Variants in DNAH9 observed in about 807,000 individuals in gnomAD.
DNAH9 encodes dynein axonemal heavy chain 9, also known as DNAH9 variant protein.
In DNAH9, 345 loss-of-function variants were observed where a neutral mutation model predicts 471.6. The ratio of observed to expected loss-of-function variants is 0.73; its 90% CI spans 0.67 to 0.80. DNAH9 has a LOEUF of 0.80. Among genes scored for constraint, DNAH9 ranks in the 30% least tolerant of loss-of-function variants. The pLI, the probability that DNAH9 is intolerant of heterozygous loss-of-function variation, is 0.00. For synonymous variants in DNAH9, 2,093 were observed against 2,123.6 expected (o/e 0.99, Z 0.40); for missense variants, 5,407 against 5,609.2 (o/e 0.96, Z 1.15).
At chr17:11,793,403 C>A in intron 41 of DNAH9, 100 bp from the exon 42 acceptor site, 1 of 1,076,986 alleles carries the variant, frequency 9.3e-7, no homozygotes, top group Non-Finnish European at 1.4e-6. Flanking sequence ...AAGCCCTAGA[C>A]ATCATCCCAG....
rs185441525 is a variant in DNAH9 at position 11,881,157 on chromosome 17, A to G, written c.10602-52A>G. The stretch of plus-strand genomic sequence containing the variant: ...AAAAAAATCTCAAATTCTGACCCCA[A>G]CCAAATTTTGCAGGAAGGCACCTTA... On this transcript the variant is annotated intron_variant, in intron 54 of 68. Transcript: ENST00000262442. 3.4e-4 allele frequency: 542 copies of G among 1,595,038 alleles called. 3 individuals carry two copies. Among genetic ancestry groups the G allele is most frequent in the Middle Eastern group, 1.5e-3 (9 of 6,002 alleles).
At chr17:11,884,918 A>C (rs905911244) in intron 56 of DNAH9, among the ~76,000 whole-genome samples, 1 of 151,740 alleles carries the variant, frequency 6.6e-6, no homozygotes, top group Non-Finnish European at 1.5e-5. Context: ...CCACCTCTTC[A>C]TCTGTTTTTT....
intron 38 of DNAH9, among the ~76,000 whole-genome samples, chr17:11,775,434 A>G (rs1968379857): frequency 1.3e-5 from 2 of 152,156 alleles, no homozygotes; most frequent in African/African-American, 2.4e-5. Context: ...AACACAAGCT[A>G]TGCTAAAACA....
intron 23 of DNAH9, 152 bp downstream of exon 23, chr17:11,700,035 G>A: frequency 1.4e-6 from 1 of 719,926 alleles, no homozygotes. Context: ...GACTTGAACT[G>A]ATGTTGGAGC....
At chr17:11,627,591 C>T (rs1038628681) in intron 6 of DNAH9, among the ~76,000 whole-genome samples, 2 of 152,126 alleles carry the variant, frequency 1.3e-5, no homozygotes, top group African/African-American at 2.4e-5. Flanking sequence ...AAATTCATTT[C>T]GGTTTTCTTC....
intron 19 of DNAH9, among the ~76,000 whole-genome samples, chr17:11,684,082 C>A (rs1961168765): frequency 6.6e-6 from 1 of 152,070 alleles, no homozygotes; most frequent in African/African-American, 2.4e-5. Flanking sequence ...GTATATTTTT[C>A]TGTGAATTCA....
chr17:11,697,785 T>A (rs962830852), intron 22 of DNAH9, among the ~76,000 whole-genome samples: 1 of 152,068 alleles, frequency 6.6e-6, no homozygotes, highest in Non-Finnish European at 1.5e-5. Flanking sequence ...CCATATTTAA[T>A]TTTTTGTGTC....
At chr17:11,711,659 T>C (rs2150787218) in intron 26 of DNAH9, among the ~76,000 whole-genome samples, 1 of 151,816 alleles carries the variant, frequency 6.6e-6, no homozygotes, top group East Asian at 1.9e-4. Context: ...AATTCAAAAA[T>C]ATAAACCACT....
chr17:11,753,837 G>A (rs144809808), intron 33 of DNAH9, among the ~76,000 whole-genome samples: 111 of 152,292 alleles, frequency 7.3e-4, no homozygotes, highest in Admixed American at 2.7e-3. Context: ...TTTTAGGTTT[G>A]AGGGTACCTG....
At chr17:11,784,272 T>C in intron 40 of DNAH9, 28 bp from the exon 41 acceptor site, 2 of 1,605,466 alleles carry the variant, frequency 1.2e-6, no homozygotes, top group Non-Finnish European at 1.7e-6. Context: ...TAACGGATGT[T>C]GAGCTCATGC....
At chr17:11,717,616 A>G (rs1396483497) in intron 26 of DNAH9, among the ~76,000 whole-genome samples, 1 of 152,156 alleles carries the variant, frequency 6.6e-6, no homozygotes, top group Non-Finnish European at 1.5e-5. Context: ...CAGTGGCACA[A>G]TTGTATCAGC....
rs745878194 is a variant in DNAH9, at chr17:11,680,735, A to G, written c.3589A>G (p.Lys1197Glu). 1 of 1,614,060 alleles carries G rather than the reference A, an allele frequency of 6.2e-7. No individual in the cohort carries two copies. The highest frequency in any genetic ancestry group is 1.3e-5 in the African/African-American group (1 of 75,034). ...VFKQLEELPE[K>E]WNNIKKVAIT... ...GTTTCCTTTGCAGGAGCTGCCTGAG[A>G]AATGGAACAACATAAAAAAGGTGGC... Residue 1197 changes from lysine to glutamate, a missense_variant, in exon 19 of 69, where the codon AAA becomes GAA. Transcript: ENST00000262442.
intron 50 of DNAH9, among the ~76,000 whole-genome samples, chr17:11,866,534 A>G (rs1366120335): frequency 2.0e-5 from 3 of 152,168 alleles, no homozygotes; most frequent in Non-Finnish European, 4.4e-5. Flanking sequence ...TGGGAGAACC[A>G]CTGCTCTCTT....
At chr17:11,723,588 AT>A (rs1567750307) in intron 27 of DNAH9, 1 of 151,980 alleles carries the variant, frequency 6.6e-6, no homozygotes, top group African/African-American at 2.4e-5. Flanking sequence ...CACTTCCTTT[AT>A]TTTATGTTTT....
In DNAH9 at chr17:11,905,281, T is replaced by TG. The variant is rs1489257166; in HGVS notation, c.11601-377dup. 9.1e-4 allele frequency among the ~76,000 whole-genome samples: 138 copies of TG among 151,358 alleles called. 2 individuals carry two copies. Among genetic ancestry groups the TG allele is most frequent in the Admixed American group, 5.9e-3 (90 of 15,188 alleles). On this transcript the variant is annotated intron_variant, in intron 60 of 68. Transcript: ENST00000262442. ...TAGCGTACCGTAGGGCCTTAAATCT[T>TG]GGGCAAGGCTGGTAGATAGCAGGGA... is the stretch of plus-strand genomic sequence containing the variant.
chr17:11,743,575 G>C (rs2075464115), intron 30 of DNAH9, among the ~76,000 whole-genome samples: 4 of 152,160 alleles, frequency 2.6e-5, no homozygotes, highest in Admixed American at 2.0e-4. Flanking sequence ...GCGGCTCACA[G>C]CTCTCTCCCT....
rs114318096 is a variant in DNAH9 at position 11,761,701 on chromosome 17, G to A, written c.6996-1739G>A. ...CACTGGGAGATCAGCAAGTCTCGGG[G>A]GTTTTCCAGGCAAGAGTCCTTCACC... On this transcript the variant is annotated intron_variant, in intron 35 of 68. Coordinates refer to ENST00000262442, the MANE Select transcript of DNAH9 (RefSeq NM_001372.4). Among the ~76,000 whole-genome samples, 1,112 of 152,196 alleles carry A rather than the reference G, an allele frequency of 7.3e-3. 11 individuals carry two copies. The highest frequency in any genetic ancestry group is 0.025 in the African/African-American group (1,020 of 41,544).
At chr17:11,713,228 T>C (rs1381737536) in intron 26 of DNAH9, among the ~76,000 whole-genome samples, 2 of 152,320 alleles carry the variant, frequency 1.3e-5, no homozygotes, top group Non-Finnish European at 2.9e-5. Flanking sequence ...GCAAAAGACA[T>C]GATCTCTTTC....
chr17:11,784,068 A>G (rs1311155731), intron 40 of DNAH9, among the ~76,000 whole-genome samples: 1 of 152,126 alleles, frequency 6.6e-6, no homozygotes, highest in Non-Finnish European at 1.5e-5. Context: ...TCTGAGTCCA[A>G]GTTTAGTTCT....
Sources: gnomAD v4.1 joint callset for allele counts (sites outside exome capture counted in the v4.1 genomes callset) on GRCh38, gnomAD v4.1.1 for gene constraint, MANE v1.5 for transcripts, NCBI Gene and HGNC (gene_info 2026-07-23, HGNC 2026-07-21) for gene names.